The following CRACR2A variants were observed in gnomAD, a reference collection of about 807,000 sequenced individuals.
CRACR2A encodes the protein EF-hand calcium-binding domain-containing protein 4B.
CRACR2A carries 79 observed loss-of-function variants against 90.5 expected under a neutral mutation model. That is an observed-to-expected ratio of 0.87 (90% CI 0.73 to 1.05). CRACR2A has a LOEUF of 1.05. Among genes scored for constraint, CRACR2A ranks in the 50% least tolerant of loss-of-function variants. CRACR2A has a pLI of 0.00. For missense variants in CRACR2A, 823 were observed against 897.2 expected (o/e 0.92, Z 1.06); for synonymous variants, 338 against 356.7 (o/e 0.95, Z 0.59).
intron 14 of CRACR2A, among the ~76,000 whole-genome samples, chr12:3,635,284 A>G (rs557563165): frequency 6.6e-6 from 1 of 152,298 alleles, no homozygotes; most frequent in East Asian, 1.9e-4. Flanking sequence ...GGACAATAAG[A>G]TGGCTGGATT....
At chr12:3,616,228 A>C (rs1207981793) in intron 19 of CRACR2A, among the ~76,000 whole-genome samples, 1 of 152,216 alleles carries the variant, frequency 6.6e-6, no homozygotes, top group African/African-American at 2.4e-5. Context: ...CTGGGCTCTT[A>C]ATTACTCAAA....
At chr12:3,635,759 G>A (rs1337312454) in intron 14 of CRACR2A, among the ~76,000 whole-genome samples, 2 of 151,980 alleles carry the variant, frequency 1.3e-5, no homozygotes, top group African/African-American at 2.4e-5. Context: ...TCTCAACATG[G>A]CCTCCCAAAG....
chr12:3,751,413 G>A (rs1946700416), intron 1 of CRACR2A, among the ~76,000 whole-genome samples: 1 of 152,114 alleles, frequency 6.6e-6, no homozygotes, highest in African/African-American at 2.4e-5. Context: ...CAGATGACAT[G>A]TTCTTCTGAA....
chr12:3,627,585 G>A (rs1182001114), intron 16 of CRACR2A, 35 bp from the exon 17 acceptor site: 1 of 1,551,314 alleles, frequency 6.4e-7, no homozygotes, highest in African/African-American at 1.4e-5. Flanking sequence ...GGCATGCACG[G>A]CCTTCCCTCT....
At chr12:3,672,765 T>C (rs1429217393) in intron 7 of CRACR2A, 2 of 985,468 alleles carry the variant, frequency 2.0e-6, no homozygotes, top group Non-Finnish European at 2.4e-6. Flanking sequence ...CTTCAGCAGC[T>C]TCTTCAGGGC....
chr12:3,629,847 AAGG>A (rs35437253), intron 15 of CRACR2A, among the ~76,000 whole-genome samples: 32,180 of 80,568 alleles, frequency 0.4, 4,243 homozygotes, highest in South Asian at 0.51. Flanking sequence ...AGGAAAAGAC[AAGG>A]GGGGGGGGGG....
At chr12:3,640,849 A>G in intron 13 of CRACR2A, 7 of 1,295,052 alleles carry the variant, frequency 5.4e-6, no homozygotes, top group African/African-American at 1.5e-5. Flanking sequence ...ATGAGCAATG[A>G]GCCAACCCTT....
chr12:3,636,313 C>G (rs970354940), intron 14 of CRACR2A, among the ~76,000 whole-genome samples: 3 of 152,234 alleles, frequency 2.0e-5, no homozygotes, highest in Non-Finnish European at 4.4e-5. Flanking sequence ...AGCGTACCTT[C>G]TCTTGCTGGA....
intron 4 of CRACR2A, among the ~76,000 whole-genome samples, chr12:3,689,243 G>A (rs1945614027): frequency 6.6e-6 from 1 of 152,184 alleles, no homozygotes; most frequent in Non-Finnish European, 1.5e-5. Context: ...AATAGGAGTG[G>A]TGAGAGAGGG....
intron 4 of CRACR2A, among the ~76,000 whole-genome samples, chr12:3,682,463 C>T (rs1945474468): frequency 1.3e-5 from 2 of 152,198 alleles, no homozygotes; most frequent in South Asian, 4.1e-4. Context: ...TTCTTGTCTA[C>T]ATCTCAAGTC....
At chr12:3,620,454 A>G (rs1944109747) in intron 17 of CRACR2A, among the ~76,000 whole-genome samples, 2 of 152,350 alleles carry the variant, frequency 1.3e-5, no homozygotes, top group Non-Finnish European at 1.5e-5. Flanking sequence ...TCCATCTTAC[A>G]GATATACCAA....
chr12:3,693,273 C>G (rs1945680197), intron 4 of CRACR2A, among the ~76,000 whole-genome samples: 1 of 152,222 alleles, frequency 6.6e-6, no homozygotes, highest in Non-Finnish European at 1.5e-5. Context: ...AGTCTACCAG[C>G]ACAGGAGCTA....
intron 12 of CRACR2A, among the ~76,000 whole-genome samples, chr12:3,643,075 G>A (rs1264038144): frequency 6.6e-6 from 1 of 152,228 alleles, no homozygotes; most frequent in Admixed American, 6.5e-5. Flanking sequence ...GGATTCGGGT[G>A]ACATTTGGTT....
chr12:3,700,821 G>A (rs750244741), intron 3 of CRACR2A, among the ~76,000 whole-genome samples: 30 of 152,236 alleles, frequency 2.0e-4, no homozygotes, highest in Admixed American at 9.2e-4. Flanking sequence ...ACAGAAATCC[G>A]TAAGGATACA....
intron 3 of CRACR2A, among the ~76,000 whole-genome samples, chr12:3,712,226 T>C (rs1565498270): frequency 6.6e-6 from 1 of 151,850 alleles, no homozygotes. Flanking sequence ...GTTGGCCATT[T>C]TTTTTTTTAA....
chr12:3,615,799 A>G (rs1372673288), intron 19 of CRACR2A, among the ~76,000 whole-genome samples: 1 of 152,212 alleles, frequency 6.6e-6, no homozygotes, highest in African/African-American at 2.4e-5. Flanking sequence ...CCTCGGCAGA[A>G]AATGAGTTGC....
chr12:3,684,322 C>T (rs1173401965), intron 4 of CRACR2A, among the ~76,000 whole-genome samples: 1 of 152,130 alleles, frequency 6.6e-6, no homozygotes, highest in Non-Finnish European at 1.5e-5. Flanking sequence ...GCAGGATCAA[C>T]CTTTATCCTG....
chr12:3,644,418 T>C (rs1316757605), intron 12 of CRACR2A, among the ~76,000 whole-genome samples, 177 bp downstream of exon 12: 1 of 152,120 alleles, frequency 6.6e-6, no homozygotes, highest in Non-Finnish European at 1.5e-5. Context: ...AATTAACACG[T>C]TGTTACCCAG....
intron 2 of CRACR2A, among the ~76,000 whole-genome samples, chr12:3,714,527 G>A (rs1359802997): frequency 2.0e-5 from 3 of 152,174 alleles, no homozygotes; most frequent in Non-Finnish European, 4.4e-5. Context: ...GAGGAAAGCT[G>A]CCCTGTCTTG....
Sources: gnomAD v4.1 joint callset for allele counts (sites outside exome capture counted in the v4.1 genomes callset) on GRCh38, gnomAD v4.1.1 for gene constraint, MANE v1.5 for transcripts, NCBI Gene and HGNC (gene_info 2026-07-23, HGNC 2026-07-21) for gene names.